Variants in WNT2B observed in about 807,000 individuals in gnomAD.
The protein encoded by WNT2B is protein Wnt-2b.
A neutral mutation model predicts 40.5 loss-of-function variants in WNT2B; 19 were observed. The ratio of observed to expected loss-of-function variants is 0.47; its 90% CI spans 0.33 to 0.69. The LOEUF is 0.69. Ranked by LOEUF, WNT2B falls within the 30% of genes least tolerant of loss-of-function variation. The pLI is 0.02. For synonymous variants in WNT2B, 220 were observed against 211.9 expected (o/e 1.04, Z -0.33); for missense variants, 467 against 556.4 (o/e 0.84, Z 1.62).
intron 1 of WNT2B, among the ~76,000 whole-genome samples, chr1:112,487,972 G>A (rs1651473189): frequency 7.0e-6 from 1 of 143,220 alleles, no homozygotes; most frequent in South Asian, 2.2e-4. Flanking sequence ...TAAGCTGTTG[G>A]TAGACGACTC....
intron 1 of WNT2B, among the ~76,000 whole-genome samples, chr1:112,502,065 G>T (rs956005825): frequency 1.3e-5 from 2 of 152,260 alleles, no homozygotes; most frequent in Non-Finnish European, 2.9e-5. Flanking sequence ...CTAAAGCTCA[G>T]CGTTCTCCTC....
At position 112,509,607 on chromosome 1, in the gene WNT2B, G is replaced by T. The variant is rs1652273334; in HGVS notation, c.182+163G>T. 6.6e-6 allele frequency among the ~76,000 whole-genome samples: 1 copy of T among 152,244 alleles called. No individual in the cohort carries two copies. The highest frequency in any genetic ancestry group is 2.4e-5 in the African/African-American group (1 of 41,460). Reference sequence around the variant, plus strand: ...TCTGAAGTCGCGGGGTGGCGGGAGGGTGAGGCGCCGCGTCTTACACGACTG... The same window carrying T: ...TCTGAAGTCGCGGGGTGGCGGGAGGTTGAGGCGCCGCGTCTTACACGACTG... On this transcript the variant is annotated intron_variant, in intron 1 of 4. Coordinates refer to ENST00000369684, the MANE Select transcript of WNT2B (RefSeq NM_024494.3). This position sits in a 1 kb window ranked among gnomAD's most constrained non-coding sequence, Gnocchi z 4.2.
intron 1 of WNT2B, among the ~76,000 whole-genome samples, chr1:112,477,125 G>T (rs984627885): frequency 6.6e-6 from 1 of 152,202 alleles, no homozygotes; most frequent in Non-Finnish European, 1.5e-5. Flanking sequence ...TTGCATTTGG[G>T]TGGGGTAGTC....
At chr1:112,480,595 C>T (rs1255463951) in intron 1 of WNT2B, among the ~76,000 whole-genome samples, 1 of 151,998 alleles carries the variant, frequency 6.6e-6, no homozygotes, top group African/African-American at 2.4e-5. Flanking sequence ...CTCAAAAAAT[C>T]TCCCAAAAAA....
intron 1 of WNT2B, among the ~76,000 whole-genome samples, chr1:112,510,205 G>T (rs1652300896): frequency 6.6e-6 from 1 of 151,778 alleles, no homozygotes; most frequent in African/African-American, 2.4e-5. Context: ...GGGCAGATGA[G>T]GCAAAAAGGC....
In WNT2B at chr1:112,528,651, T is replaced by A. The variant is rs1209302010; in HGVS notation, c.*8142T>A. On this transcript the variant is annotated 3_prime_UTR_variant, in exon 5 of 5. Coordinates refer to ENST00000369684, the MANE Select transcript of WNT2B (RefSeq NM_024494.3). The stretch of plus-strand genomic sequence containing the variant: ...AGGCTTACAGGCCCAGAACCTGGCA[T>A]AAATCAAGCCAAACCCTTAAGAAAT... 2 of 152,214 alleles carry A rather than the reference T, an allele frequency of 1.3e-5. No homozygotes were observed. Among genetic ancestry groups the A allele is most frequent in the Non-Finnish European group, 2.9e-5 (2 of 68,030 alleles). The allele number at this position is 152,214 out of a possible 1,614,324, so 9.4% of individuals were successfully genotyped here.
intron 4 of WNT2B, chr1:112,517,716 A>AAAAACG (rs1652630276): frequency 7.9e-6 from 2 of 252,536 alleles, no homozygotes; most frequent in South Asian, 2.2e-4. Context: ...GGCTGCACAG[A>AAAAACG]AACATAAGAT....
intron 1 of WNT2B, among the ~76,000 whole-genome samples, chr1:112,490,118 G>A (rs1399930967): frequency 7.8e-6 from 1 of 128,606 alleles, no homozygotes; most frequent in Non-Finnish European, 1.8e-5. Context: ...ATGGGATACA[G>A]GAAATAAAGA....
At chr1:112,512,815 A>G (rs1310850743) in intron 1 of WNT2B, among the ~76,000 whole-genome samples, 2 of 152,176 alleles carry the variant, frequency 1.3e-5, no homozygotes, top group African/African-American at 4.8e-5. Context: ...ACTAACTACA[A>G]GGGGCTGACT....
chr1:112,493,268 G>A (rs1265007731), intron 1 of WNT2B, among the ~76,000 whole-genome samples: 1 of 152,204 alleles, frequency 6.6e-6, no homozygotes, highest in Non-Finnish European at 1.5e-5. Context: ...GTTTGTTAGT[G>A]GACTGGGTCC....
At chr1:112,501,239 C>T (rs1188998121) in intron 1 of WNT2B, among the ~76,000 whole-genome samples, 1 of 152,116 alleles carries the variant, frequency 6.6e-6, no homozygotes, top group Non-Finnish European at 1.5e-5. Context: ...GTTGTTTTAT[C>T]GCATCATATC....
chr1:112,513,306 G>A (rs1385046452), intron 1 of WNT2B, among the ~76,000 whole-genome samples: 1 of 152,148 alleles, frequency 6.6e-6, no homozygotes, highest in Non-Finnish European at 1.5e-5. Context: ...GGCCCTGTCT[G>A]GGGTGTTTAT....
At chr1:112,505,648 A>T (rs1040897517), upstream of WNT2B, among the ~76,000 whole-genome samples, 4 of 152,232 alleles carry the variant, frequency 2.6e-5, no homozygotes, top group Non-Finnish European at 5.9e-5. Context: ...TAGGACCTTG[A>T]GACTGGAAGT....
At chr1:112,488,806 G>T (rs1334576727) in intron 1 of WNT2B, among the ~76,000 whole-genome samples, 1 of 151,744 alleles carries the variant, frequency 6.6e-6, no homozygotes, top group African/African-American at 2.4e-5. Flanking sequence ...TGCCTGCCTC[G>T]GCCTCCCAAG....
At chr1:112,506,268 G>A (rs1652104442), upstream of WNT2B, among the ~76,000 whole-genome samples, 1 of 152,150 alleles carries the variant, frequency 6.6e-6, no homozygotes, top group African/African-American at 2.4e-5. Context: ...CAATGTGCTG[G>A]GATTACAGGC....
At chr1:112,502,800 T>C (rs1652000029) in intron 1 of WNT2B, among the ~76,000 whole-genome samples, 1 of 152,018 alleles carries the variant, frequency 6.6e-6, no homozygotes, top group South Asian at 2.1e-4. Context: ...AGAGAGGCTA[T>C]AGAGAAGGAA....
chr1:112,529,752 AAAAAAAAAAAAAAAAAAAAAG>A lies in WNT2B; in HGVS notation c.*9244_*9264del, dbSNP rs1654065488. On this transcript the variant is annotated 3_prime_UTR_variant, in exon 5 of 5. Coordinates refer to ENST00000369684, the MANE Select transcript of WNT2B (RefSeq NM_024494.3). ...CAATGCCATCCAAAAGATAAAAGTT[AAAAAAAAAAAAAAAAAAAAAG>A]GTAACTATGCTCATTATTTTCAACC... The A allele has an allele frequency of 8.1e-6, 1 of 123,572 alleles. No individual in the cohort carries two copies. The highest frequency in any genetic ancestry group is 1.7e-5 in the Non-Finnish European group (1 of 58,078). 7.7% of individuals were successfully genotyped at this position (123,572 alleles called of 1,614,324 possible).
intron 1 of WNT2B, among the ~76,000 whole-genome samples, chr1:112,500,884 C>G (rs986559449): frequency 6.6e-6 from 1 of 152,218 alleles, no homozygotes; most frequent in Non-Finnish European, 1.5e-5. Flanking sequence ...AAACATCTTT[C>G]TTACACTACA....
At chr1:112,472,955 TA>T (rs1192468136) in intron 1 of WNT2B, among the ~76,000 whole-genome samples, 171 of 34,880 alleles carry the variant, frequency 4.9e-3, no homozygotes, top group Admixed American at 5.2e-3. Flanking sequence ...AAAGCAATAC[TA>T]AAAAAAAAAA....
Sources: gnomAD v4.1 joint callset for allele counts (sites outside exome capture counted in the v4.1 genomes callset) on GRCh38, gnomAD v4.1.1 for gene constraint, Gnocchi (gnomAD v3.1) non-coding constraint, MANE v1.5 for transcripts, NCBI Gene and HGNC (gene_info 2026-07-23, HGNC 2026-07-21) for gene names.